The following SEPTIN8 variants were observed in gnomAD, a reference collection of about 807,000 sequenced individuals.
SEPTIN8 encodes septin-8.
SEPTIN8 carries 22 observed loss-of-function variants against 53.1 expected under a neutral mutation model. The ratio of observed to expected loss-of-function variants is 0.41; its 90% CI spans 0.30 to 0.59. SEPTIN8 has a LOEUF of 0.59. SEPTIN8 is among the 20% of genes least tolerant of loss of function. The pLI is 0.24. For missense variants in SEPTIN8, 536 were observed against 638.7 expected (o/e 0.84, Z 1.73); for synonymous variants, 228 against 248.4 (o/e 0.92, Z 0.77).
chr5:132,762,752 C>T (rs1756121871), intron 4 of SEPTIN8, 107 bp from the exon 5 acceptor site: 3 of 1,288,612 alleles, frequency 2.3e-6, no homozygotes, highest in Admixed American at 1.8e-5. Flanking sequence ...TATCCCTGGG[C>T]AGGGGGAAGG....
intron 9 of SEPTIN8, chr5:132,757,686 C>T: frequency 1.0e-6 from 1 of 985,398 alleles, no homozygotes; most frequent in Non-Finnish European, 1.2e-6. Context: ...CCCATTTTAC[C>T]AGGCCGTATT....
intron 9 of SEPTIN8, chr5:132,753,511 T>A (rs976785882): frequency 1.9e-5 from 3 of 154,758 alleles, no homozygotes; most frequent in African/African-American, 7.2e-5. Flanking sequence ...GCAGATGCAT[T>A]TACCCAACCA....
In SEPTIN8 at chr5:132,763,786, C is replaced by CT; in HGVS notation, c.453_454insA (p.Val152SerfsTer38). On this transcript the variant is annotated frameshift_variant, in exon 4 of 10. Coordinates refer to ENST00000378719, the MANE Select transcript of SEPTIN8 (RefSeq NM_001098811.2). LOFTEE classifies it high-confidence loss of function. ...GTGGGCGTGATGAAGTAGAGGCAAA[C>CT]GTGGATCCTTGTGTCATGGTAGTCG... The CT allele has an allele frequency of 2.5e-6, 4 of 1,613,986 alleles. No individual in the cohort carries two copies. The highest frequency in any genetic ancestry group is 3.4e-6 in the Non-Finnish European group (4 of 1,179,936).
At chr5:132,756,793 C>T (rs943556192) in intron 9 of SEPTIN8, 10 of 985,388 alleles carry the variant, frequency 1.0e-5, no homozygotes, top group African/African-American at 8.7e-5. Flanking sequence ...GCCTGGGGTG[C>T]GACCCGCAGG....
chr5:132,763,383 G>A (rs1483567555), intron 4 of SEPTIN8, among the ~76,000 whole-genome samples: 1 of 152,212 alleles, frequency 6.6e-6, no homozygotes, highest in East Asian at 1.9e-4. Flanking sequence ...AGGCTGAGAT[G>A]GGAAGGGAGG....
chr5:132,763,663 A>G, intron 4 of SEPTIN8, 43 bp downstream of exon 4: 1 of 1,577,794 alleles, frequency 6.3e-7, no homozygotes. Context: ...GCATCGCAGC[A>G]GAAGACTATG....
chr5:132,776,313 C>A lies in SEPTIN8; in HGVS notation c.30+795G>T, dbSNP rs532735716. 5.7e-3 allele frequency among the ~76,000 whole-genome samples: 867 copies of A among 152,292 alleles called. 7 individuals are homozygous for A. Among genetic ancestry groups the A allele is most frequent in the African/African-American group, 0.02 (831 of 41,562 alleles). ...AGCAGGGGATGTCCAGATACAACCCCCCAAAGGCCTCCCTCCCGCGAGTGA... is the reference window on the plus strand; with the variant it reads ...AGCAGGGGATGTCCAGATACAACCCACCAAAGGCCTCCCTCCCGCGAGTGA... On this transcript the variant is annotated intron_variant, in intron 1 of 9. Transcript: ENST00000378719. The surrounding 1 kb of genome is among the most constrained non-coding windows in gnomAD (Gnocchi z 4.4).
chr5:132,758,470 C>A (rs1035686307), intron 9 of SEPTIN8: 2 of 1,606,960 alleles, frequency 1.2e-6, no homozygotes, highest in Non-Finnish European at 1.7e-6. Context: ...TTAGGCCTAG[C>A]ATCCCGGCTG....
At chr5:132,763,925 A>T (rs1184017492) in intron 3 of SEPTIN8, 33 bp from the exon 4 acceptor site, 1 of 1,527,786 alleles carries the variant, frequency 6.5e-7, no homozygotes, top group East Asian at 2.3e-5. Context: ...GGAGGCTGCC[A>T]GCTGAGATCA....
Position 132,751,026 on chromosome 5 carries a change from C to T in SEPTIN8, c.*990G>A, listed in dbSNP as rs1487042546. On this transcript the variant is annotated 3_prime_UTR_variant, in exon 10 of 10. Coordinates refer to ENST00000378719, the MANE Select transcript of SEPTIN8 (RefSeq NM_001098811.2). The stretch of plus-strand genomic sequence containing the variant: ...AGTAAGGAGGTGTTTACAGAGTCTA[C>T]CCTAAACTCGTTTGTGCCTTTGGAA... 1.9e-6 allele frequency: 3 copies of T among 1,606,574 alleles called. No individual in the cohort carries two copies. Among genetic ancestry groups the T allele is most frequent in the Non-Finnish European group, 2.5e-6 (3 of 1,177,434 alleles).
intron 9 of SEPTIN8, among the ~76,000 whole-genome samples, chr5:132,755,136 T>C (rs12188656): frequency 0.36 from 55,469 of 152,074 alleles, 17,018 homozygotes; most frequent in African/African-American, 0.81. Flanking sequence ...CAAGTAGAGC[T>C]GAGCTATGCC....
At chr5:132,775,015 T>C (rs1757657313) in intron 1 of SEPTIN8, among the ~76,000 whole-genome samples, 1 of 152,142 alleles carries the variant, frequency 6.6e-6, no homozygotes. Flanking sequence ...TCCAAGCCCT[T>C]CCAGGAGGCT....
chr5:132,759,601 G>GGC (rs1755684720), intron 9 of SEPTIN8, among the ~76,000 whole-genome samples: 3 of 152,200 alleles, frequency 2.0e-5, no homozygotes, highest in African/African-American at 7.2e-5. Context: ...GACTCCCGCT[G>GGC]GCCCTAATGG....
upstream of SEPTIN8, among the ~76,000 whole-genome samples, chr5:132,779,545 C>A (rs1353883973): frequency 6.6e-5 from 10 of 152,234 alleles, no homozygotes; most frequent in Non-Finnish European, 1.5e-4. Flanking sequence ...GACAAGACTT[C>A]GCTTCAGGAA....
At chr5:132,765,012 G>A (rs903594495) in intron 2 of SEPTIN8, among the ~76,000 whole-genome samples, 3 of 151,916 alleles carry the variant, frequency 2.0e-5, no homozygotes, top group East Asian at 1.9e-4. Context: ...GTTCACATGC[G>A]TGCTGGAGCA....
chr5:132,761,716 G>A lies in SEPTIN8; in HGVS notation c.793+84C>T. 6.3e-7 allele frequency: 1 copy of A among 1,586,876 alleles called. No individual in the cohort carries two copies. The highest frequency in any genetic ancestry group is 8.6e-7 in the Non-Finnish European group (1 of 1,163,304). ...TAGGCACGCAGGTGGGCATGAGGAG[G>A]AAACAGCACAGGGTACTACAGGCAG... On this transcript the variant is annotated intron_variant, in intron 6 of 9. Coordinates refer to ENST00000378719, the MANE Select transcript of SEPTIN8 (RefSeq NM_001098811.2). The surrounding 1 kb of genome is among the most constrained non-coding windows in gnomAD (Gnocchi z 5.8).
chr5:132,764,191 A>C (rs1158520828), intron 3 of SEPTIN8, 33 bp downstream of exon 3: 2 of 1,529,344 alleles, frequency 1.3e-6, no homozygotes, highest in Admixed American at 1.8e-5. Context: ...GGGTGGGAGG[A>C]GGCTGGGTGG....
At chr5:132,764,058 C>T in intron 3 of SEPTIN8, 166 bp from the exon 4 acceptor site, 1 of 947,234 alleles carries the variant, frequency 1.1e-6, no homozygotes, top group Non-Finnish European at 1.6e-6. Context: ...ACCCCTTCTC[C>T]AGACACCTAA....
At chr5:132,762,983 TG>T (rs1160283284) in intron 4 of SEPTIN8, among the ~76,000 whole-genome samples, 1 of 152,034 alleles carries the variant, frequency 6.6e-6, no homozygotes, top group African/African-American at 2.4e-5. Context: ...GAAGGAGTGG[TG>T]GGGGGGCTAT....
Sources: gnomAD v4.1 joint callset for allele counts (sites outside exome capture counted in the v4.1 genomes callset) on GRCh38, gnomAD v4.1.1 for gene constraint, Gnocchi (gnomAD v3.1) non-coding constraint, MANE v1.5 for transcripts, NCBI Gene and HGNC (gene_info 2026-07-23, HGNC 2026-07-21) for gene names.